BDP1: variants seen among roughly 807,000 people sequenced by gnomAD.
BDP1 encodes transcription factor TFIIIB component B'' homolog.
Under a neutral mutation model 266.6 loss-of-function variants are expected in BDP1, and 169 were observed. The ratio of observed to expected loss-of-function variants is 0.63; its 90% confidence interval spans 0.56 to 0.72. The LOEUF (loss-of-function observed/expected upper bound fraction) is 0.72. Among genes scored for constraint, BDP1 ranks in the 30% least tolerant of loss-of-function variants. BDP1 has a pLI of 0.00. For synonymous variants in BDP1, 1,090 were observed against 1,022.4 expected (o/e 1.07, Z -1.26); for missense variants, 3,015 against 3,053.8 (o/e 0.99, Z 0.30).
intron 1 of BDP1, among the ~76,000 whole-genome samples, chr5:71,457,738 G>A (rs977335299): frequency 2.0e-5 from 3 of 152,100 alleles, no homozygotes; most frequent in Non-Finnish European, 4.4e-5. Context: ...GCTAAGATAC[G>A]AATTTAAATT....
chr5:71,487,395 C>G (rs1309143236), intron 9 of BDP1, among the ~76,000 whole-genome samples: 2 of 152,098 alleles, frequency 1.3e-5, no homozygotes, highest in Non-Finnish European at 2.9e-5. Flanking sequence ...GTGCCCGTCA[C>G]CACACCCGGC....
At position 71,545,085 on chromosome 5, in the gene BDP1, G is replaced by C; in HGVS notation, c.6610G>C (p.Val2204Leu). The part of the protein sequence containing the change: ...ESSQEVHMLS[V>L]APVASSETGP... ...CTCTCAGGAGGTTCACATGTTGTCA[G>C]TTGCTCCAGTTGCTTCCTCTGAGAC... The change falls in exon 32 of 39, where the codon GTT (valine) becomes CTT (leucine). Residue 2204 changes from valine to leucine, a missense_variant. Transcript: ENST00000358731. 1 of 1,613,640 alleles carries C rather than the reference G, an allele frequency of 6.2e-7. No individual in the cohort carries two copies. The highest frequency in any genetic ancestry group is 8.5e-7 in the Non-Finnish European group (1 of 1,179,836).
At chr5:71,568,208 C>T (rs1257122814), downstream of BDP1, among the ~76,000 whole-genome samples, 2 of 152,072 alleles carry the variant, frequency 1.3e-5, no homozygotes, top group Non-Finnish European at 2.9e-5. Context: ...TAGGAGTCTG[C>T]AATGTGATTG....
intron 33 of BDP1, among the ~76,000 whole-genome samples, 177 bp from the exon 34 acceptor site, chr5:71,549,243 C>G (rs574748669): frequency 6.6e-5 from 10 of 152,030 alleles, no homozygotes; most frequent in Non-Finnish European, 1.3e-4. Context: ...GTCTCCCCCC[C>G]GCAAAAAAGG....
At chr5:71,468,439 T>C (rs1427315762) in intron 6 of BDP1, among the ~76,000 whole-genome samples, 1 of 151,910 alleles carries the variant, frequency 6.6e-6, no homozygotes, top group Non-Finnish European at 1.5e-5. Flanking sequence ...TGAGTCGTTG[T>C]GCCCAGCCCA....
chr5:71,564,811 C>T lies in BDP1; in HGVS notation c.7801C>T (p.Pro2601Ser), dbSNP rs1255015202. The T allele has an allele frequency of 4.3e-6, 7 of 1,611,564 alleles. No individual in the cohort carries two copies. Among genetic ancestry groups the T allele is most frequent in the African/African-American group, 1.3e-5 (1 of 74,902 alleles). Residue 2601 changes from proline (P) to serine (S), a missense_variant, in exon 39 of 39, where the codon CCT becomes TCT. By Grantham distance (74) the Pro-to-Ser change is moderately conservative. Coordinates refer to ENST00000358731, the MANE Select transcript of BDP1 (RefSeq NM_018429.3). ...EGYKSAQKRAPQGEATTVSEY... is the reference protein window; with the variant it reads ...EGYKSAQKRASQGEATTVSEY... ...ATATAAAAGTGCCCAAAAGCGGGCCCCTCAAGGGGAGGCAACCACAGTCTC... is the reference window on the plus strand; with the variant it reads ...ATATAAAAGTGCCCAAAAGCGGGCCTCTCAAGGGGAGGCAACCACAGTCTC...
chr5:71,456,452 C>A (rs1761194958), intron 1 of BDP1, among the ~76,000 whole-genome samples: 1 of 152,174 alleles, frequency 6.6e-6, no homozygotes, highest in Admixed American at 6.5e-5. Context: ...TTTTGTCTTT[C>A]AATTTATAAA....
chr5:71,491,539 C>A (rs959090947), intron 11 of BDP1, among the ~76,000 whole-genome samples: 2 of 151,754 alleles, frequency 1.3e-5, no homozygotes, highest in Non-Finnish European at 2.9e-5. Context: ...GAGATTTACC[C>A]TCAATAGATT....
chr5:71,553,294 G>T lies in BDP1; in HGVS notation c.7174G>T (p.Asp2392Tyr). The T allele has an allele frequency of 6.2e-7, 1 of 1,612,802 alleles. No homozygotes were observed. The highest frequency in any genetic ancestry group is 8.5e-7 in the Non-Finnish European group (1 of 1,179,922). The change falls in exon 35 of 39, where the codon GAT (aspartate) becomes TAT (tyrosine). Residue 2392 changes from aspartate (D) to tyrosine (Y), a missense_variant. Around this residue, in one of 3 missense-constraint regions of BDP1, gnomAD observed 629 missense variants for 632.5 expected, o/e 0.99. Coordinates refer to ENST00000358731, the MANE Select transcript of BDP1 (RefSeq NM_018429.3). ...CAAAAAACGTTCACTCACTTTAAGA[G>T]ATGACTGTCAAGAATATACCACTGA... is the stretch of plus-strand genomic sequence containing the variant. ...PAKKRSLTLRDDCQEYTTEVH... is the reference protein window; with the variant it reads ...PAKKRSLTLRYDCQEYTTEVH...
intron 15 of BDP1, among the ~76,000 whole-genome samples, chr5:71,503,195 C>T (rs1175135721): frequency 1.3e-5 from 2 of 152,124 alleles, no homozygotes; most frequent in Non-Finnish European, 2.9e-5. Context: ...CCATATTGGC[C>T]AGGCTGGTCT....
chr5:71,545,427 A>G (rs545023217), intron 32 of BDP1: 8 of 534,238 alleles, frequency 1.5e-5, no homozygotes, highest in African/African-American at 2.0e-5. Flanking sequence ...TGCCACCCAG[A>G]TTCAACAGAT....
chr5:71,552,302 G>C (rs1236112101), intron 34 of BDP1, among the ~76,000 whole-genome samples: 1 of 151,594 alleles, frequency 6.6e-6, no homozygotes, highest in Admixed American at 6.6e-5. Context: ...TAGATGGGAT[G>C]GTGGCCGGGA....
chr5:71,483,953 G>A (rs1476066078), intron 8 of BDP1, 57 bp downstream of exon 8: 1 of 1,328,070 alleles, frequency 7.5e-7, no homozygotes, highest in Non-Finnish European at 1.1e-6. Flanking sequence ...AAAATGACCA[G>A]TCTTTTGTCT....
Position 71,567,426 on chromosome 5 carries a change from C to G in BDP1, c.*2541C>G, listed in dbSNP as rs1201657479. The G allele has an allele frequency of 6.6e-6, 1 of 152,144 alleles. No homozygotes were observed. Among genetic ancestry groups the G allele is most frequent in the African/African-American group, 2.4e-5 (1 of 41,442 alleles). The allele number at this position is 152,144 out of a possible 1,614,324, so 9.4% of individuals were successfully genotyped here. A position where few individuals can be genotyped will look rare whatever the true frequency, so the allele number is the denominator to read the frequency against. On this transcript the variant is annotated 3_prime_UTR_variant, in exon 39 of 39. Transcript: ENST00000358731. ...TAATTTTGGAAAAGAGAAAGTTAAT[C>G]AATGTATTTACCTTACATGTTGGAA...
At chr5:71,523,338 C>T (rs771753202) in intron 24 of BDP1, among the ~76,000 whole-genome samples, 2 of 152,134 alleles carry the variant, frequency 1.3e-5, no homozygotes, top group African/African-American at 2.4e-5. Flanking sequence ...GTTTTTGAGA[C>T]AGTTTCACTC....
At chr5:71,577,124 A>C in the BDP1 span, among the ~76,000 whole-genome samples, 8 of 152,230 alleles carry the variant, frequency 5.3e-5, no homozygotes, top group Non-Finnish European at 8.8e-5. Context: ...AACACATAAT[A>C]TCTCTACTTT....
chr5:71,512,168 A>G (rs909854280), intron 17 of BDP1, 73 bp from the exon 18 acceptor site: 1 of 718,506 alleles, frequency 1.4e-6, no homozygotes, highest in African/African-American at 1.8e-5. Context: ...AATTTAGTAG[A>G]CTTTTGTTTT....
rs1764607688 is a variant in BDP1 at position 71,506,808 on chromosome 5, CA to C, written c.2372+2058del. On this transcript the variant is annotated intron_variant, in intron 16 of 38. Transcript: ENST00000358731. ...TGAAACACACACACACACACACACA[CA>C]CACACACACACACACCCATATTTTT... 5.0e-5 allele frequency among the ~76,000 whole-genome samples: 7 copies of C among 140,574 alleles called. 1 individual carries two copies. Among genetic ancestry groups the C allele is most frequent in the South Asian group, 4.9e-4 (2 of 4,050 alleles). The allele number at this position is 140,574 out of a possible 152,430, so 92.2% of individuals were successfully genotyped here.
chr5:71,553,072 A>G (rs750012695), intron 34 of BDP1, 44 bp from the exon 35 acceptor site: 2 of 1,444,842 alleles, frequency 1.4e-6, no homozygotes, highest in Non-Finnish European at 1.9e-6. Context: ...AGTGTTAAAT[A>G]ACTTCTAATT....
Sources: gnomAD v4.1 joint callset for allele counts (sites outside exome capture counted in the v4.1 genomes callset) on GRCh38, gnomAD v4.1.1 for gene constraint, gnomAD v4.1.1 regional missense constraint, MANE v1.5 for transcripts, NCBI Gene and HGNC (gene_info 2026-07-23, HGNC 2026-07-21) for gene names.